The following FSTL5 variants were observed in gnomAD, a reference collection of about 807,000 sequenced individuals.
FSTL5 encodes the protein follistatin-related protein 5.
In FSTL5, 62 loss-of-function variants were observed where a neutral mutation model predicts 89.1. The observed-to-expected ratio is 0.70, with a 90% CI of 0.57 to 0.86. FSTL5 has a LOEUF of 0.86. FSTL5 is among the 40% of genes least tolerant of loss of function. The pLI, the probability that FSTL5 is intolerant of heterozygous loss-of-function variation, is 0.00. For missense variants in FSTL5, 1,057 were observed against 1,001.6 expected (o/e 1.06, Z -0.75); for synonymous variants, 383 against 346.2 (o/e 1.11, Z -1.18).
chr4:161,516,560 T>C (rs1730838990), intron 10 of FSTL5, among the ~76,000 whole-genome samples: 1 of 124,888 alleles, frequency 8.0e-6, no homozygotes, highest in Non-Finnish European at 1.7e-5. Flanking sequence ...TATATATATT[T>C]CATATAGTAA....
chr4:161,635,947 C>A (rs1735674223), intron 7 of FSTL5, among the ~76,000 whole-genome samples: 1 of 152,128 alleles, frequency 6.6e-6, no homozygotes, highest in South Asian at 2.1e-4. Context: ...ACCTCTGCAT[C>A]AACAAATTCC....
At chr4:161,551,514 G>T (rs1732211678) in intron 8 of FSTL5, among the ~76,000 whole-genome samples, 1 of 151,852 alleles carries the variant, frequency 6.6e-6, no homozygotes, top group Non-Finnish European at 1.5e-5. Flanking sequence ...CCAAAAAAGA[G>T]CCCGCATTGC....
chr4:161,447,861 C>A (rs1030531003), intron 15 of FSTL5, among the ~76,000 whole-genome samples: 1 of 152,048 alleles, frequency 6.6e-6, no homozygotes, highest in African/African-American at 2.4e-5. Context: ...TACACACAGG[C>A]ATATATAAAA....
chr4:161,876,618 T>C (rs547374679), intron 4 of FSTL5, among the ~76,000 whole-genome samples: 54 of 152,246 alleles, frequency 3.5e-4, no homozygotes, highest in African/African-American at 1.2e-3. Flanking sequence ...CTCATGCCTA[T>C]AGTGCCAGAT....
At chr4:161,665,372 T>G (rs1262169400) in intron 6 of FSTL5, among the ~76,000 whole-genome samples, 2 of 152,052 alleles carry the variant, frequency 1.3e-5, no homozygotes, top group Non-Finnish European at 2.9e-5. Context: ...CTCCCCAGAC[T>G]ACAGGCGCCC....
intron 6 of FSTL5, among the ~76,000 whole-genome samples, chr4:161,713,271 G>C (rs533864385): frequency 3.8e-4 from 58 of 152,160 alleles, no homozygotes; most frequent in Non-Finnish European, 7.8e-4. Flanking sequence ...TATACATGCT[G>C]TTAATAATTT....
chr4:161,949,705 G>A (rs1186149660), intron 3 of FSTL5, among the ~76,000 whole-genome samples: 1 of 150,528 alleles, frequency 6.6e-6, no homozygotes, highest in East Asian at 1.9e-4. Context: ...TTATTTATCA[G>A]TATTTAATTT....
At chr4:162,042,869 T>G (rs930290899) in intron 2 of FSTL5, among the ~76,000 whole-genome samples, 1 of 144,148 alleles carries the variant, frequency 6.9e-6, no homozygotes, top group East Asian at 2.1e-4. Flanking sequence ...CACCGCATAT[T>G]CTCACTCATA....
At chr4:162,059,876 T>G (rs1738665040) in intron 2 of FSTL5, among the ~76,000 whole-genome samples, 1 of 152,062 alleles carries the variant, frequency 6.6e-6, no homozygotes, top group Non-Finnish European at 1.5e-5. Context: ...TGGATAAAGG[T>G]CACAGGTCTG....
chr4:161,670,919 T>C (rs147104847), intron 6 of FSTL5, among the ~76,000 whole-genome samples: 331 of 152,288 alleles, frequency 2.2e-3, no homozygotes, highest in African/African-American at 7.5e-3. Flanking sequence ...TCATTTACAA[T>C]GGGAAAAGCA....
At chr4:161,655,384 A>C (rs181010696) in intron 7 of FSTL5, among the ~76,000 whole-genome samples, 7 of 152,072 alleles carry the variant, frequency 4.6e-5, no homozygotes, top group African/African-American at 1.4e-4. Flanking sequence ...TATAGTCCCT[A>C]TTGGTCCAGT....
At position 162,053,375 on chromosome 4, in the gene FSTL5, G is replaced by A. The variant is rs1242020111; in HGVS notation, c.127-19717C>T. ...GTTAAAATGGTCTTTTTTTAGTAACGCCTTAAGGTCCTTTGCAGCAGAGAA... is the reference window on the plus strand; with the variant it reads ...GTTAAAATGGTCTTTTTTTAGTAACACCTTAAGGTCCTTTGCAGCAGAGAA... On this transcript the variant is annotated intron_variant, in intron 2 of 15. Coordinates refer to ENST00000306100, the MANE Select transcript of FSTL5 (RefSeq NM_020116.5). 3.3e-5 allele frequency among the ~76,000 whole-genome samples: 5 copies of A among 151,648 alleles called. No individual in the cohort carries two copies. The East Asian group carries it at 9.7e-4, about 29-fold the overall frequency.
intron 8 of FSTL5, among the ~76,000 whole-genome samples, chr4:161,553,325 A>T (rs1732277572): frequency 6.6e-6 from 1 of 151,506 alleles, no homozygotes; most frequent in Non-Finnish European, 1.5e-5. Flanking sequence ...ATTAAAATTT[A>T]TTCTACAAAA....
chr4:162,104,046 C>T (rs1009601139), intron 2 of FSTL5, among the ~76,000 whole-genome samples: 1 of 152,212 alleles, frequency 6.6e-6, no homozygotes. Context: ...TTTGTTATGG[C>T]TCCAGCTGAG....
intron 1 of FSTL5, among the ~76,000 whole-genome samples, chr4:162,149,087 A>G (rs1252649615): frequency 6.6e-6 from 1 of 152,188 alleles, no homozygotes; most frequent in Non-Finnish European, 1.5e-5. Context: ...GAGTTCTAAT[A>G]TTCAAAAATT....
At chr4:161,406,827 G>C (rs943085225) in intron 15 of FSTL5, among the ~76,000 whole-genome samples, 1 of 152,036 alleles carries the variant, frequency 6.6e-6, no homozygotes, top group African/African-American at 2.4e-5. Flanking sequence ...TACATCTAAT[G>C]TCAATCTCTT....
chr4:162,110,140 ATACT>A (rs1731378476), intron 2 of FSTL5, among the ~76,000 whole-genome samples: 2 of 152,064 alleles, frequency 1.3e-5, no homozygotes, highest in Non-Finnish European at 2.9e-5. Context: ...TTTTTACATT[ATACT>A]TACTTCCTTT....
chr4:162,039,963 T>C (rs1737886727), intron 2 of FSTL5, among the ~76,000 whole-genome samples: 2 of 152,014 alleles, frequency 1.3e-5, no homozygotes, highest in African/African-American at 4.8e-5. Flanking sequence ...GATTTTAAAC[T>C]TATGAATAAT....
intron 8 of FSTL5, among the ~76,000 whole-genome samples, chr4:161,563,104 C>T (rs1732666899): frequency 6.6e-6 from 1 of 151,930 alleles, no homozygotes. Context: ...TCATTTCTTT[C>T]TGCCTTCCAA....
Sources: allele counts gnomAD v4.1 joint callset (sites outside exome capture counted in the v4.1 genomes callset), GRCh38; gene constraint gnomAD v4.1.1; transcripts MANE v1.5; gene names NCBI Gene and HGNC (gene_info 2026-07-23, HGNC 2026-07-21).